LMNTD1: variants seen among roughly 807,000 people sequenced by gnomAD.
The protein encoded by LMNTD1 is lamin tail domain containing 1, also known as lamin tail domain-containing protein 1.
A neutral mutation model predicts 50.9 loss-of-function variants in LMNTD1; 35 were observed. The ratio of observed to expected loss-of-function variants is 0.69; its 90% CI spans 0.53 to 0.91. LMNTD1 has a LOEUF of 0.91. LMNTD1 is among the 40% of genes least tolerant of loss of function. LMNTD1 has a pLI of 0.00. For missense variants in LMNTD1, 470 were observed against 475.5 expected (o/e 0.99, Z 0.11); for synonymous variants, 153 against 161.9 (o/e 0.94, Z 0.42).
At chr12:25,577,162 C>G (rs559615871) in intron 1 of LMNTD1, among the ~76,000 whole-genome samples, 1 of 152,242 alleles carries the variant, frequency 6.6e-6, no homozygotes, top group East Asian at 1.9e-4. Flanking sequence ...TTAGGATTGT[C>G]TTGGCAATGC....
chr12:25,492,707 T>G (rs1366834335), intron 9 of LMNTD1, among the ~76,000 whole-genome samples: 2 of 152,240 alleles, frequency 1.3e-5, no homozygotes, highest in Non-Finnish European at 2.9e-5. Context: ...TTGAAAAGGT[T>G]GAGGTTTCTT....
chr12:25,520,734 G>A (rs568898531), intron 6 of LMNTD1, among the ~76,000 whole-genome samples: 2 of 152,240 alleles, frequency 1.3e-5, no homozygotes, highest in African/African-American at 4.8e-5. Flanking sequence ...GGGATTGCTG[G>A]GTTGTATGGT....
At chr12:25,542,512 A>C (rs1245995557) in intron 4 of LMNTD1, among the ~76,000 whole-genome samples, 2 of 146,426 alleles carry the variant, frequency 1.4e-5, no homozygotes, top group Non-Finnish European at 3.0e-5. Context: ...ATAGGTGGGA[A>C]TTGAACAATG....
rs1466947579 is a variant in LMNTD1, at chr12:25,518,784, T to C, written c.1189+11A>G. 5 of 1,613,830 alleles carry C rather than the reference T, an allele frequency of 3.1e-6. No homozygotes were observed. Among genetic ancestry groups the C allele is most frequent in the Non-Finnish European group, 4.2e-6 (5 of 1,179,770 alleles). On this transcript the variant is annotated intron_variant, in intron 8 of 9. Coordinates refer to ENST00000458174, the MANE Select transcript of LMNTD1 (RefSeq NM_001145728.2). ...GCACTCTCCACTGGAACAAGCACTC[T>C]TTTAACTGACCTGAGGCTCGATTAG...
At chr12:25,579,289 T>G (rs1162578916) in intron 1 of LMNTD1, among the ~76,000 whole-genome samples, 2 of 152,192 alleles carry the variant, frequency 1.3e-5, no homozygotes, top group Non-Finnish European at 2.9e-5. Context: ...CTTACTATTA[T>G]TACCTAAAAA....
intron 1 of LMNTD1, among the ~76,000 whole-genome samples, chr12:25,628,763 G>T (rs1322172030): frequency 2.0e-5 from 3 of 152,120 alleles, no homozygotes; most frequent in Non-Finnish European, 4.4e-5. Flanking sequence ...AAGAGGCAAG[G>T]GATGAATTCC....
chr12:25,613,645 T>C (rs1405654266), intron 1 of LMNTD1, among the ~76,000 whole-genome samples: 2 of 152,188 alleles, frequency 1.3e-5, no homozygotes, highest in African/African-American at 2.4e-5. Context: ...CATAAAACCT[T>C]ATGCATATTT....
At chr12:25,552,581 G>GAGAAAAGA (rs1943825812) in intron 2 of LMNTD1, among the ~76,000 whole-genome samples, 1 of 58,154 alleles carries the variant, frequency 1.7e-5, no homozygotes, top group South Asian at 9.7e-4. Flanking sequence ...CACTCTGTCT[G>GAGAAAAGA]AAAAAAAAAA....
chr12:25,597,848 G>C (rs1419999344), intron 1 of LMNTD1, among the ~76,000 whole-genome samples: 1 of 152,034 alleles, frequency 6.6e-6, no homozygotes, highest in Middle Eastern at 3.2e-3. Flanking sequence ...AGAAATTTTG[G>C]AAATTATACA....
chr12:25,482,704 G>A (rs1199711807), intron 9 of LMNTD1, among the ~76,000 whole-genome samples: 2 of 151,982 alleles, frequency 1.3e-5, no homozygotes, highest in Non-Finnish European at 2.9e-5. Context: ...TCCAGAGCAA[G>A]CACAGAATGT....
chr12:25,566,213 A>G (rs976714248), intron 1 of LMNTD1, among the ~76,000 whole-genome samples: 1 of 152,124 alleles, frequency 6.6e-6, no homozygotes, highest in African/African-American at 2.4e-5. Flanking sequence ...CTCCTCTTTG[A>G]GGCCAATAAC....
At chr12:25,476,891 A>T (rs1179257672) in intron 9 of LMNTD1, among the ~76,000 whole-genome samples, 1 of 152,196 alleles carries the variant, frequency 6.6e-6, no homozygotes, top group Non-Finnish European at 1.5e-5. Context: ...ATAATTTTTT[A>T]AAATCTCCCA....
chr12:25,520,143 T>TAC, intron 6 of LMNTD1, 68 bp from the exon 7 acceptor site: 1 of 84,164 alleles, frequency 1.2e-5, no homozygotes, highest in Non-Finnish European at 2.5e-5. Context: ...TTATGAGATA[T>TAC]ACATATATAT....
At chr12:25,499,453 T>C (rs1412737824) in intron 9 of LMNTD1, among the ~76,000 whole-genome samples, 1 of 152,134 alleles carries the variant, frequency 6.6e-6, no homozygotes, top group Non-Finnish European at 1.5e-5. Flanking sequence ...ACTTGTTTAG[T>C]TTACAGTTTA....
chr12:25,608,984 A>T (rs536098351), intron 1 of LMNTD1, among the ~76,000 whole-genome samples: 59 of 152,240 alleles, frequency 3.9e-4, no homozygotes, highest in African/African-American at 1.3e-3. Context: ...TGGTCTTTTC[A>T]CATAGTCCCA....
Position 25,622,574 on chromosome 12 carries a change from T to C in LMNTD1, c.58+25920A>G, listed in dbSNP as rs545120262. ...AAACTGTGTATGCAGCTGAATTTAG[T>C]AGAGCAGAAACTGCACACTCTGCCT... On this transcript the variant is annotated intron_variant, in intron 1 of 7. Coordinates refer to the LMNTD1 transcript ENST00000445693. Among the ~76,000 whole-genome samples the C allele has an allele frequency of 3.3e-5, 5 of 151,794 alleles. No individual in the cohort carries two copies. The East Asian group carries it at 7.8e-4, about 24-fold the overall frequency.
At chr12:25,631,320 C>G (rs768793045) in intron 1 of LMNTD1, among the ~76,000 whole-genome samples, 1 of 151,808 alleles carries the variant, frequency 6.6e-6, no homozygotes, top group Non-Finnish European at 1.5e-5. Context: ...AGCGCCACCT[C>G]TTGGCAGGAG....
intron 4 of LMNTD1, among the ~76,000 whole-genome samples, chr12:25,534,792 C>A (rs1488944473): frequency 6.6e-6 from 1 of 152,122 alleles, no homozygotes; most frequent in East Asian, 1.9e-4. Context: ...GAGACTTTTG[C>A]CTCACTAGTG....
At chr12:25,563,789 C>G (rs1944435899) in intron 1 of LMNTD1, among the ~76,000 whole-genome samples, 1 of 152,182 alleles carries the variant, frequency 6.6e-6, no homozygotes, top group South Asian at 2.1e-4. Flanking sequence ...GCAGTGGGCT[C>G]CACCCAGTTT....
Sources: gnomAD v4.1 joint callset for allele counts (sites outside exome capture counted in the v4.1 genomes callset) on GRCh38, gnomAD v4.1.1 for gene constraint, MANE v1.5 for transcripts, NCBI Gene and HGNC (gene_info 2026-07-23, HGNC 2026-07-21) for gene names.